PHLPP2: variants seen among roughly 807,000 people sequenced by gnomAD.
PHLPP2 encodes the protein PH domain and leucine rich repeat protein phosphatase 2, also known as PH domain leucine-rich repeat-containing protein phosphatase 2.
A neutral mutation model predicts 124.9 loss-of-function variants in PHLPP2; 66 were observed. That is an observed-to-expected ratio of 0.53 (90% CI 0.43 to 0.65). PHLPP2 has a LOEUF of 0.65. PHLPP2 is among the 30% of genes least tolerant of loss of function. The pLI is 0.00. For synonymous variants in PHLPP2, 681 were observed against 624.7 expected, an observed-to-expected ratio of 1.09 and a Z score of -1.34; for missense variants, 1,685 against 1,600.4, an observed-to-expected ratio of 1.05 and a Z score of -0.90.
In PHLPP2 at chr16:71,658,300, A is replaced by C; in HGVS notation, c.2212T>G (p.Leu738Val). ...TTTCCAGTCAGGTCAAGGTCTTGTA[A>C]TGTAGCAGGCAAAGCCTCTGGAATC... Reference protein sequence around the residue: ...ILIPEALPATLQDLDLTGNTN... With the variant: ...ILIPEALPATVQDLDLTGNTN... The change falls in exon 15 of 19, where the codon TTA becomes GTA. Residue 738 changes from leucine (L) to valine (V), a missense_variant. By Grantham distance (32) the Leu-to-Val change is conservative. Coordinates refer to ENST00000568954, the MANE Select transcript of PHLPP2 (RefSeq NM_015020.3). 6.2e-7 allele frequency: 1 copy of C among 1,613,832 alleles called. No individual in the cohort carries two copies. Among genetic ancestry groups the C allele is most frequent in the Non-Finnish European group, 8.5e-7 (1 of 1,179,724 alleles).
intron 18 of PHLPP2, among the ~76,000 whole-genome samples, chr16:71,652,179 C>A (rs1317702194): frequency 1.3e-5 from 2 of 152,166 alleles, no homozygotes; most frequent in Admixed American, 6.5e-5. Flanking sequence ...TAAAACTCAA[C>A]AATACAGAAA....
intron 6 of PHLPP2, among the ~76,000 whole-genome samples, chr16:71,680,907 C>T (rs2044991231): frequency 6.6e-6 from 1 of 152,026 alleles, no homozygotes; most frequent in East Asian, 1.9e-4. Flanking sequence ...TTTTTACATG[C>T]CAATATTACT....
rs1001389242 is a variant in PHLPP2 at position 71,675,612 on chromosome 16, G to A, written c.1471+835C>T. 2.6e-5 allele frequency among the ~76,000 whole-genome samples: 4 copies of A among 152,194 alleles called. No homozygotes were observed. The East Asian group carries it at 7.7e-4, about 29-fold the overall frequency. On this transcript the variant is annotated intron_variant, in intron 9 of 18. Coordinates refer to ENST00000568954, the MANE Select transcript of PHLPP2 (RefSeq NM_015020.3). ...GCCACTGTAGCACAAGAGCAAGAAT[G>A]TATAAACAATATGCAAGCAAACCAC... is the stretch of plus-strand genomic sequence containing the variant.
intron 3 of PHLPP2, 46 bp from the exon 4 acceptor site, chr16:71,690,755 A>C: frequency 2.3e-6 from 3 of 1,300,206 alleles, no homozygotes; most frequent in Non-Finnish European, 3.3e-6. Context: ...AAGTAGTGTA[A>C]GAATACAGAA....
intron 3 of PHLPP2, among the ~76,000 whole-genome samples, chr16:71,701,730 G>A (rs1165714283): frequency 1.4e-5 from 2 of 141,996 alleles, no homozygotes; most frequent in African/African-American, 5.3e-5. Flanking sequence ...CAAGGTTTTA[G>A]TTATCTGCAG....
intron 17 of PHLPP2, 48 bp downstream of exon 17, chr16:71,655,192 T>C (rs1401856800): frequency 3.1e-6 from 4 of 1,295,384 alleles, no homozygotes; most frequent in Non-Finnish European, 4.5e-6. Flanking sequence ...AAAAATATAT[T>C]TTCCAAAAGT....
intron 13 of PHLPP2, among the ~76,000 whole-genome samples, chr16:71,662,429 C>CAAAT (rs905071546): frequency 1.1e-4 from 16 of 151,630 alleles, no homozygotes; most frequent in East Asian, 3.9e-4. Context: ...GACTCCATCT[C>CAAAT]AAATAAATAA....
At chr16:71,714,475 T>A (rs2045344603) in intron 2 of PHLPP2, 37 bp downstream of exon 2, 1 of 1,539,196 alleles carries the variant, frequency 6.5e-7, no homozygotes, top group African/African-American at 1.4e-5. Flanking sequence ...ATTATTTATA[T>A]TACGGTAGAA....
chr16:71,715,093 T>C (rs1055283520), intron 1 of PHLPP2: 4 of 370,968 alleles, frequency 1.1e-5, no homozygotes, highest in African/African-American at 6.3e-5. Context: ...GGCTCAGGCC[T>C]GTAATCCCAG....
intron 13 of PHLPP2, among the ~76,000 whole-genome samples, chr16:71,659,433 TAG>T (rs1473374121): frequency 6.6e-6 from 1 of 152,112 alleles, no homozygotes. Context: ...GTATTTTTAG[TAG>T]AGACAGGGTT....
intron 14 of PHLPP2, 23 bp from the exon 15 acceptor site, chr16:71,658,386 A>G: frequency 6.2e-7 from 1 of 1,606,960 alleles, no homozygotes. Context: ...TGAGAAATCA[A>G]AAGAAAATAC....
intron 3 of PHLPP2, among the ~76,000 whole-genome samples, chr16:71,701,373 C>T (rs556206306): frequency 1.3e-5 from 2 of 151,978 alleles, no homozygotes; most frequent in African/African-American, 4.8e-5. Context: ...GTACCAGGTA[C>T]ATTATTACTT....
At position 71,690,729 on chromosome 16, in the gene PHLPP2, T is replaced by A; in HGVS notation, c.419-20A>T. ...GTTTTTCTGAAAAGGAAATAATACTTCAGAATCCACCATTAAAGTAGTGTA... is the reference window on the plus strand; with the variant it reads ...GTTTTTCTGAAAAGGAAATAATACTACAGAATCCACCATTAAAGTAGTGTA... On this transcript the variant is annotated intron_variant, in intron 3 of 18. Transcript: ENST00000568954. 1.3e-6 allele frequency: 2 copies of A among 1,549,920 alleles called. No individual in the cohort carries two copies. Among genetic ancestry groups the A allele is most frequent in the Non-Finnish European group, 1.8e-6 (2 of 1,125,948 alleles).
At chr16:71,684,394 G>A in intron 5 of PHLPP2, 82 bp downstream of exon 5, 1 of 1,438,894 alleles carries the variant, frequency 6.9e-7, no homozygotes, top group Admixed American at 1.7e-5. Context: ...CCAAAGTGCT[G>A]GGATTACAGA....
chr16:71,660,372 C>CAAA (rs1158155665), intron 13 of PHLPP2, among the ~76,000 whole-genome samples: 20 of 26,992 alleles, frequency 7.4e-4, no homozygotes, highest in South Asian at 2.0e-3. Context: ...GACCTTGTCT[C>CAAA]AAAAAAAAAA....
chr16:71,707,792 C>G (rs372520318), intron 2 of PHLPP2, among the ~76,000 whole-genome samples: 17 of 152,310 alleles, frequency 1.1e-4, no homozygotes, highest in Admixed American at 9.1e-4. Flanking sequence ...AAGTATAGCA[C>G]CTTCCTGAGT....
intron 16 of PHLPP2, among the ~76,000 whole-genome samples, chr16:71,655,720 G>C (rs2044736590): frequency 6.6e-6 from 1 of 151,970 alleles, no homozygotes; most frequent in African/African-American, 2.4e-5. Flanking sequence ...TTGATCTCCT[G>C]ACCTCATGAT....
At chr16:71,654,121 G>A (rs1305496424) in intron 17 of PHLPP2, among the ~76,000 whole-genome samples, 1 of 151,140 alleles carries the variant, frequency 6.6e-6, no homozygotes, top group African/African-American at 2.4e-5. Context: ...CGTGAACCCG[G>A]GAGACGGAGC....
chr16:71,703,340 A>G (rs993152346), intron 2 of PHLPP2, among the ~76,000 whole-genome samples: 1 of 152,192 alleles, frequency 6.6e-6, no homozygotes, highest in Admixed American at 6.5e-5. Flanking sequence ...ATTAAAATTG[A>G]GAATTTCCAT....
Sources: gnomAD v4.1 joint callset for allele counts (sites outside exome capture counted in the v4.1 genomes callset) on GRCh38, gnomAD v4.1.1 for gene constraint, MANE v1.5 for transcripts, NCBI Gene and HGNC (gene_info 2026-07-23, HGNC 2026-07-21) for gene names.